Variants in SMARCA2 observed in about 807,000 individuals in gnomAD.
The protein encoded by SMARCA2 is SWI/SNF related BAF chromatin remodeling complex subunit ATPase 2, also known as SWI/SNF-related matrix-associated actin-dependent regulator of chromatin subfamily A member 2.
SMARCA2 carries 61 observed loss-of-function variants against 199.8 expected under a neutral mutation model. The observed-to-expected ratio is 0.31, with a 90% CI of 0.25 to 0.38. The LOEUF is 0.38. SMARCA2 is among the 10% of genes least tolerant of loss of function. The pLI, the probability that SMARCA2 is intolerant of heterozygous loss-of-function variation, is 1.00. For missense variants in SMARCA2, 1,344 were observed against 2,012.2 expected, an observed-to-expected ratio of 0.67 and a Z score of 6.35; for synonymous variants, 935 against 732.0, an observed-to-expected ratio of 1.28 and a Z score of -4.48.
At chr9:2,074,745 C>T (rs991962518) in intron 12 of SMARCA2, among the ~76,000 whole-genome samples, 1 of 152,120 alleles carries the variant, frequency 6.6e-6, no homozygotes, top group Non-Finnish European at 1.5e-5. Context: ...CGCATGCCCG[C>T]AGTTCCAGCT....
At chr9:2,174,722 A>T (rs373692112) in intron 29 of SMARCA2, among the ~76,000 whole-genome samples, 30 of 152,056 alleles carry the variant, frequency 2.0e-4, no homozygotes, top group African/African-American at 7.0e-4. Flanking sequence ...GGAGTCCGAG[A>T]CCACCCGAGG....
At chr9:2,043,284 C>G (rs1483490440) in intron 4 of SMARCA2, 3 of 152,156 alleles carry the variant, frequency 2.0e-5, no homozygotes, top group Non-Finnish European at 4.4e-5. Flanking sequence ...ATCCCAGCCA[C>G]CACCAAAGAA....
chr9:2,170,315 A>C lies in SMARCA2; in HGVS notation c.4200-104A>C, dbSNP rs1826178736. The C allele has an allele frequency of 2.8e-6, 4 of 1,431,516 alleles. No homozygotes were observed. Among genetic ancestry groups the C allele is most frequent in the Non-Finnish European group, 3.9e-6 (4 of 1,038,758 alleles). The allele number at this position is 1,431,516 out of a possible 1,614,324, so 88.7% of individuals were successfully genotyped here. A position where few individuals can be genotyped will look rare whatever the true frequency, so the allele number is the denominator to read the frequency against. ...ATCTTCCTAACAAGGCAGGTTGGTG[A>C]GGAGACTGAGGCTTGGCCAGGTCAC... On this transcript the variant is annotated intron_variant, in intron 28 of 33. Transcript: ENST00000349721. The surrounding 1 kb of genome is among the most constrained non-coding windows in gnomAD (Gnocchi z 4.7).
intron 14 of SMARCA2, among the ~76,000 whole-genome samples, chr9:2,081,396 C>A (rs1016766256): frequency 5.9e-5 from 9 of 152,196 alleles, no homozygotes; most frequent in African/African-American, 2.2e-4. Context: ...CCTGGTCAGT[C>A]CGCCTTTTCA....
intron 9 of SMARCA2, among the ~76,000 whole-genome samples, chr9:2,062,314 G>A (rs990978364): frequency 6.6e-6 from 1 of 152,212 alleles, no homozygotes; most frequent in Non-Finnish European, 1.5e-5. Flanking sequence ...TTAAATGGCA[G>A]TTTTAGTTTT....
rs1312938634 is a variant in SMARCA2, at chr9:2,123,488, A to G, written c.3763-231A>G. Among the ~76,000 whole-genome samples, 1 of 152,202 alleles carries G rather than the reference A, an allele frequency of 6.6e-6. No individual in the cohort carries two copies. The highest frequency in any genetic ancestry group is 1.5e-5 in the Non-Finnish European group (1 of 68,026). ...AGGAAATTCTTTAAAAGTACTTTTT[A>G]AATGTATGAATAAGTTTCAAAAGGT... is the stretch of plus-strand genomic sequence containing the variant. On this transcript the variant is annotated intron_variant, in intron 26 of 33. Coordinates refer to ENST00000349721, the MANE Select transcript of SMARCA2 (RefSeq NM_003070.5). The surrounding 1 kb of genome is among the most constrained non-coding windows in gnomAD (Gnocchi z 4.1).
In SMARCA2 at chr9:2,158,889, A is replaced by T. The variant is rs930154512; in HGVS notation, c.3982-2797A>T. The T allele has an allele frequency of 2.5e-6, 4 of 1,582,734 alleles. No individual in the cohort carries two copies. The African/African-American group carries it at 5.4e-5, about 21-fold the overall frequency. ...AATCACAGAACATAAAGCACTGCATATGGATGTGTTTGGGGTCTTTGGGGA... is the reference window on the plus strand; with the variant it reads ...AATCACAGAACATAAAGCACTGCATTTGGATGTGTTTGGGGTCTTTGGGGA... On this transcript the variant is annotated intron_variant, in intron 27 of 33. Coordinates refer to ENST00000349721, the MANE Select transcript of SMARCA2 (RefSeq NM_003070.5).
rs1826219758 is a variant in SMARCA2 at position 2,170,971 on chromosome 9, C to G, written c.4253+499C>G. ...ATGCAGAGGGCAATTGCTGAGTTGT[C>G]TCTTGTTTGTGTGATGGGTTGGGTT... On this transcript the variant is annotated intron_variant, in intron 29 of 33. Transcript: ENST00000349721. The surrounding 1 kb of genome is among the most constrained non-coding windows in gnomAD (Gnocchi z 4.7). Among the ~76,000 whole-genome samples the G allele has an allele frequency of 6.6e-6, 1 of 152,158 alleles. No homozygotes were observed. Among genetic ancestry groups the G allele is most frequent in the Admixed American group, 6.5e-5 (1 of 15,276 alleles).
At chr9:2,055,300 C>T (rs1048865525) in intron 6 of SMARCA2, among the ~76,000 whole-genome samples, 2 of 152,202 alleles carry the variant, frequency 1.3e-5, no homozygotes, top group Admixed American at 6.5e-5. Context: ...TTGTAGTTTA[C>T]AGCAGTTATT....
chr9:2,029,045 G>A lies in SMARCA2; in HGVS notation c.23G>A (p.Gly8Asp). 6.4e-7 allele frequency: 1 copy of A among 1,553,210 alleles called. No homozygotes were observed. The highest frequency in any genetic ancestry group is 1.2e-5 in the South Asian group (1 of 84,614). The change falls in exon 2 of 34, where the codon GGT becomes GAT. Residue 8 changes from glycine to aspartate, a missense_variant. Gly to Asp is a moderately conservative substitution (Grantham distance 94). Around this residue, in one of 18 missense-constraint regions of SMARCA2, gnomAD observed 275 missense variants for 247.5 expected, o/e 1.11. Transcript: ENST00000349721. MSTPTDP[G>D]AMPHPGPSPG... Reference sequence around the variant, plus strand: ...TAGATGTCCACGCCCACAGACCCTGGTGCGATGCCCCACCCAGGGCCTTCG... The same window carrying A: ...TAGATGTCCACGCCCACAGACCCTGATGCGATGCCCCACCCAGGGCCTTCG...
Position 2,170,537 on chromosome 9 carries a change from T to A in SMARCA2, c.4253+65T>A, listed in dbSNP as rs564448400. The A allele has an allele frequency of 6.2e-7, 1 of 1,611,986 alleles. No homozygotes were observed. The highest frequency in any genetic ancestry group is 1.1e-5 in the South Asian group (1 of 90,628). ...GTATCCCTCGTTACGTGAAACAGAT[T>A]GAATCATATAATCGGCCTTTGGAAG... On this transcript the variant is annotated intron_variant, in intron 29 of 33. Transcript: ENST00000349721. This position sits in a 1 kb window ranked among gnomAD's most constrained non-coding sequence, Gnocchi z 4.7.
In SMARCA2 at chr9:2,189,377, G is replaced by A. The variant is rs144508523; in HGVS notation, c.4595-1889G>A. 2.0e-5 allele frequency among the ~76,000 whole-genome samples: 3 copies of A among 152,148 alleles called. No individual in the cohort carries two copies. The South Asian group carries it at 6.2e-4, about 32-fold the overall frequency. On this transcript the variant is annotated intron_variant, in intron 32 of 33. Transcript: ENST00000349721. The stretch of plus-strand genomic sequence containing the variant: ...CTGACGCGTGCCTGACAGCATTAGA[G>A]TGCGCCACACTCCAAGGCACATTTA...
At chr9:2,164,358 C>T (rs1320603155) in intron 28 of SMARCA2, among the ~76,000 whole-genome samples, 1 of 152,174 alleles carries the variant, frequency 6.6e-6, no homozygotes, top group Non-Finnish European at 1.5e-5. Flanking sequence ...CTTGATTTAA[C>T]CACCTGCATT....
intron 1 of SMARCA2, among the ~76,000 whole-genome samples, chr9:2,018,311 C>T (rs1818452318): frequency 6.6e-6 from 1 of 152,200 alleles, no homozygotes; most frequent in Non-Finnish European, 1.5e-5. Flanking sequence ...GGCTTCTCCC[C>T]TCCTTTGTTT....
chr9:2,176,367 A>G (rs1292108674), intron 29 of SMARCA2, among the ~76,000 whole-genome samples: 1 of 152,048 alleles, frequency 6.6e-6, no homozygotes, highest in East Asian at 1.9e-4. Flanking sequence ...GTTTCAGCCC[A>G]GAGTAGATTA....
rs138635760 is a variant in SMARCA2, at chr9:2,087,633, T to C, written c.2769+562T>C. 6.0e-3 allele frequency among the ~76,000 whole-genome samples: 910 copies of C among 152,330 alleles called. 9 individuals carry two copies. Among genetic ancestry groups the C allele is most frequent in the African/African-American group, 0.021 (870 of 41,568 alleles). ...GAGTAGCCATTTATTTTCCAATTTC[T>C]TATTGTTCCTTCCACTGTCTTCTCT... On this transcript the variant is annotated intron_variant, in intron 18 of 33. Transcript: ENST00000349721.
At chr9:2,178,552 C>CTT (rs760592364) in intron 29 of SMARCA2, among the ~76,000 whole-genome samples, 12 of 151,978 alleles carry the variant, frequency 7.9e-5, no homozygotes, top group Non-Finnish European at 1.6e-4. Flanking sequence ...TTGTTCTGTA[C>CTT]TTAAAAAGGA....
intron 27 of SMARCA2, among the ~76,000 whole-genome samples, chr9:2,132,727 A>G (rs568355978): frequency 7.2e-4 from 110 of 152,350 alleles, no homozygotes; most frequent in South Asian, 3.1e-3. Context: ...GGTTTTGCCA[A>G]ATTCCAAGTC....
chr9:2,179,856 G>A (rs1344752323), intron 29 of SMARCA2, among the ~76,000 whole-genome samples: 2 of 152,286 alleles, frequency 1.3e-5, no homozygotes, highest in South Asian at 2.1e-4. Flanking sequence ...GGTGCTGCTA[G>A]CTGATAAAGA....
Sources: gnomAD v4.1 joint callset for allele counts (sites outside exome capture counted in the v4.1 genomes callset) on GRCh38, gnomAD v4.1.1 for gene constraint, gnomAD v4.1.1 regional missense constraint, Gnocchi (gnomAD v3.1) non-coding constraint, MANE v1.5 for transcripts, NCBI Gene and HGNC (gene_info 2026-07-23, HGNC 2026-07-21) for gene names.